RPS6KA2: variants seen among roughly 807,000 people sequenced by gnomAD.
RPS6KA2 encodes ribosomal protein S6 kinase A2, also known as ribosomal protein S6 kinase alpha-2.
Under a neutral mutation model 91.8 loss-of-function variants are expected in RPS6KA2, and 42 were observed. The observed-to-expected ratio is 0.46, with a 90% CI of 0.36 to 0.59. RPS6KA2 has a LOEUF of 0.59. Among genes scored for constraint, RPS6KA2 ranks in the 20% least tolerant of loss-of-function variants. RPS6KA2 has a pLI of 0.00. For synonymous variants in RPS6KA2, 414 were observed against 393.6 expected, an observed-to-expected ratio of 1.05 and a Z score of -0.61; for missense variants, 798 against 978.5, an observed-to-expected ratio of 0.82 and a Z score of 2.46.
intron 8 of RPS6KA2, among the ~76,000 whole-genome samples, chr6:166,492,651 G>C (rs892035775): frequency 6.6e-6 from 1 of 151,980 alleles, no homozygotes; most frequent in Non-Finnish European, 1.5e-5. Flanking sequence ...CAGATGCCCG[G>C]ATATCATTTA....
chr6:166,617,334 TC>T (rs1786450707), intron 1 of RPS6KA2, among the ~76,000 whole-genome samples: 3 of 152,358 alleles, frequency 2.0e-5, no homozygotes, highest in Admixed American at 2.0e-4. Context: ...AGTTTCTCAA[TC>T]TTTTAAGATA....
At position 166,490,013 on chromosome 6, in the gene RPS6KA2, TAGTC is replaced by T. The variant is rs1781534797; in HGVS notation, c.818+654_818+657del. On this transcript the variant is annotated intron_variant, in intron 9 of 20. Coordinates refer to ENST00000265678, the MANE Select transcript of RPS6KA2 (RefSeq NM_021135.6). The surrounding 1 kb of genome is among the most constrained non-coding windows in gnomAD (Gnocchi z 4.2). ...CCTGCTGTCTGCTCTGGGACAGTGA[TAGTC>T]AGTGGTGTCTGCTCACATTTAGGAT... 6.6e-6 allele frequency among the ~76,000 whole-genome samples: 1 copy of T among 152,162 alleles called. No individual in the cohort carries two copies. Among genetic ancestry groups the T allele is most frequent in the South Asian group, 2.1e-4 (1 of 4,828 alleles).
At chr6:166,560,936 T>C (rs1179697897) in intron 1 of RPS6KA2, among the ~76,000 whole-genome samples, 1 of 126,574 alleles carries the variant, frequency 7.9e-6, no homozygotes, top group Non-Finnish European at 1.6e-5. Flanking sequence ...CCCAACATGG[T>C]GTTTTTTTTT....
At chr6:166,751,858 A>AG (rs58419486) in intron 2 of RPS6KA2, among the ~76,000 whole-genome samples, 3 of 152,190 alleles carry the variant, frequency 2.0e-5, no homozygotes, top group African/African-American at 7.2e-5. Flanking sequence ...CTGTGGACCA[A>AG]GGACAGCATG....
chr6:166,768,609 G>A (rs748601026), intron 2 of RPS6KA2, among the ~76,000 whole-genome samples: 1 of 152,002 alleles, frequency 6.6e-6, no homozygotes, highest in Non-Finnish European at 1.5e-5. Context: ...ACAGAGAGAG[G>A]TGAGTAGGGA....
chr6:166,542,279 TACTC>T (rs2128496464), intron 1 of RPS6KA2: 1 of 152,394 alleles, frequency 6.6e-6, no homozygotes, highest in South Asian at 2.1e-4. Context: ...ATGAAAATGT[TACTC>T]ACATTTCATT....
At chr6:166,778,911 G>T (rs9457205) in intron 2 of RPS6KA2, among the ~76,000 whole-genome samples, 1 of 152,234 alleles carries the variant, frequency 6.6e-6, no homozygotes, top group East Asian at 1.9e-4. Flanking sequence ...ACTCTGGCCC[G>T]TTGCTATTGA....
In RPS6KA2 at chr6:166,665,567, G is replaced by A. The variant is rs377374343; in HGVS notation, c.124-126783C>T. ...GAAAGAACAAAGGGACAGCAGCCAG[G>A]GCACAGATGCAAACTACTTTCAGAA... is the stretch of plus-strand genomic sequence containing the variant. On this transcript the variant is annotated intron_variant, in intron 2 of 21. Transcript: ENST00000503859. The surrounding 1 kb of genome is among the most constrained non-coding windows in gnomAD (Gnocchi z 4.5). Among the ~76,000 whole-genome samples the A allele has an allele frequency of 5.0e-4, 76 of 152,244 alleles. 1 individual carries two copies. In the South Asian group the frequency reaches 0.015, roughly 29 times the overall value.
chr6:166,436,972 C>T (rs572115595), intron 14 of RPS6KA2, among the ~76,000 whole-genome samples: 1 of 152,342 alleles, frequency 6.6e-6, no homozygotes, highest in East Asian at 1.9e-4. Context: ...GCGTTTCCGT[C>T]CCGGATGCTG....
In RPS6KA2 at chr6:166,508,135, C is replaced by A; in HGVS notation, c.459+68G>T. 2 of 1,003,864 alleles carry A rather than the reference C, an allele frequency of 2.0e-6. No homozygotes were observed. Among genetic ancestry groups the A allele is most frequent in the Non-Finnish European group, 3.1e-6 (2 of 641,658 alleles). The allele number at this position is 1,003,864 out of a possible 1,614,324, so 62.2% of individuals were successfully genotyped here. A position where few individuals can be genotyped will look rare whatever the true frequency, so the allele number is the denominator to read the frequency against. ...CTCACGTCCTCTCAATGCTCTCCACCCCTCCTCCCCTCGAGTCCCAGACAG... is the reference window on the plus strand; with the variant it reads ...CTCACGTCCTCTCAATGCTCTCCACACCTCCTCCCCTCGAGTCCCAGACAG... On this transcript the variant is annotated intron_variant, in intron 5 of 20. Coordinates refer to ENST00000265678, the MANE Select transcript of RPS6KA2 (RefSeq NM_021135.6). This position sits in a 1 kb window ranked among gnomAD's most constrained non-coding sequence, Gnocchi z 4.3.
At chr6:166,607,893 C>A (rs1194367487) in intron 1 of RPS6KA2, among the ~76,000 whole-genome samples, 1 of 151,674 alleles carries the variant, frequency 6.6e-6, no homozygotes, top group Non-Finnish European at 1.5e-5. Context: ...ACCTGTGGTC[C>A]CAGCTATTCA....
At chr6:166,586,581 G>A (rs1785182436) in intron 1 of RPS6KA2, 5 of 1,054,828 alleles carry the variant, frequency 4.7e-6, no homozygotes, top group Non-Finnish European at 6.7e-6. Flanking sequence ...CCCCGCCGGC[G>A]AGACACTGAG....
chr6:166,623,489 G>A (rs1786721190), intron 1 of RPS6KA2, among the ~76,000 whole-genome samples: 1 of 152,192 alleles, frequency 6.6e-6, no homozygotes, highest in Non-Finnish European at 1.5e-5. Flanking sequence ...ACTGGCATGG[G>A]TAACGTATTT....
chr6:166,674,715 A>G (rs1225269455), intron 2 of RPS6KA2, among the ~76,000 whole-genome samples: 2 of 152,146 alleles, frequency 1.3e-5, no homozygotes, highest in African/African-American at 2.4e-5. Flanking sequence ...GTTGCCCACA[A>G]TGGAGTGCAA....
chr6:166,535,913 G>A (rs763845433), intron 2 of RPS6KA2, among the ~76,000 whole-genome samples: 4 of 152,256 alleles, frequency 2.6e-5, no homozygotes, highest in African/African-American at 4.8e-5. Context: ...GGTGGTGAGT[G>A]CAGCTTCTCC....
At chr6:166,812,700 A>C (rs1248511740) in intron 2 of RPS6KA2, among the ~76,000 whole-genome samples, 2 of 152,192 alleles carry the variant, frequency 1.3e-5, no homozygotes, top group Admixed American at 1.3e-4. Flanking sequence ...GAATAATTTT[A>C]TGCCAAAAAC....
chr6:166,721,888 C>G (rs989640097), intron 2 of RPS6KA2, among the ~76,000 whole-genome samples: 7 of 152,308 alleles, frequency 4.6e-5, no homozygotes, highest in African/African-American at 7.2e-5. Context: ...TCCAGATCCT[C>G]TGACTCAAAA....
rs1204513998 is a variant in RPS6KA2, at chr6:166,493,398, T to C, written c.748-2657A>G. 2.0e-5 allele frequency among the ~76,000 whole-genome samples: 3 copies of C among 152,182 alleles called. No individual in the cohort carries two copies. Among genetic ancestry groups the C allele is most frequent in the African/African-American group, 7.2e-5 (3 of 41,430 alleles). ...GAACTTTCCAGTGCCGAAGCATTAC[T>C]GACTGAGGTTTTGCTGATGAGTTTC... is the stretch of plus-strand genomic sequence containing the variant. On this transcript the variant is annotated intron_variant, in intron 8 of 20. Coordinates refer to ENST00000265678, the MANE Select transcript of RPS6KA2 (RefSeq NM_021135.6). This position sits in a 1 kb window ranked among gnomAD's most constrained non-coding sequence, Gnocchi z 4.7.
rs114644967 is a variant in RPS6KA2 at position 166,676,607 on chromosome 6, C to T, written c.124-137823G>A. Among the ~76,000 whole-genome samples the T allele has an allele frequency of 5.5e-3, 835 of 152,338 alleles. 9 individuals carry two copies. The highest frequency in any genetic ancestry group is 0.019 in the African/African-American group (794 of 41,586). ...GACCGTTCCAGGCACACACTTCAGA[C>T]TGTCCCCTCCTGGAGGTGTCCCTGT... is the stretch of plus-strand genomic sequence containing the variant. On this transcript the variant is annotated intron_variant, in intron 2 of 21. Coordinates refer to the RPS6KA2 transcript ENST00000503859.
Sources: gnomAD v4.1 joint callset for allele counts (sites outside exome capture counted in the v4.1 genomes callset) on GRCh38, gnomAD v4.1.1 for gene constraint, Gnocchi (gnomAD v3.1) non-coding constraint, MANE v1.5 for transcripts, NCBI Gene and HGNC (gene_info 2026-07-23, HGNC 2026-07-21) for gene names.